ASPM: variants seen among roughly 807,000 people sequenced by gnomAD.
ASPM encodes the protein assembly factor for spindle microtubules.
ASPM carries 256 observed loss-of-function variants against 366.4 expected under a neutral mutation model. That is an observed-to-expected ratio of 0.70 (90% confidence interval 0.63 to 0.77). The LOEUF is 0.77. Among genes scored for constraint, ASPM ranks in the 30% least tolerant of loss-of-function variants. The pLI is 0.00. For missense variants in ASPM, 4,146 were observed against 4,090.4 expected (o/e 1.01, Z -0.37); for synonymous variants, 1,414 against 1,342.9 (o/e 1.05, Z -1.16).
Position 197,105,078 on chromosome 1 carries a change from T to C in ASPM, c.4173A>G (p.Lys1391=). The change falls in exon 18 of 28, where the codon AAA becomes AAG. Residue 1391 remains lysine, a synonymous_variant. Coordinates refer to ENST00000367409, the MANE Select transcript of ASPM (RefSeq NM_018136.5). Reference sequence around the variant, plus strand: ...TTGTAACTGTAGCCCAAAGATATCGTTTATAAGATGTAACAGCAATTATCA... The same window carrying C: ...TTGTAACTGTAGCCCAAAGATATCGCTTATAAGATGTAACAGCAATTATCA... The part of the protein sequence containing the change: ...IRMIIAVTSY[K]RYLWATVTIQ... The C allele has an allele frequency of 6.2e-7, 1 of 1,610,436 alleles. No homozygotes were observed. Among genetic ancestry groups the C allele is most frequent in the Non-Finnish European group, 8.5e-7 (1 of 1,177,618 alleles).
chr1:197,126,461 AAAAAAAGGG>A (rs1658094531), intron 10 of ASPM, among the ~76,000 whole-genome samples: 1 of 147,194 alleles, frequency 6.8e-6, no homozygotes, highest in East Asian at 2.0e-4. Flanking sequence ...AAAAAAAAAA[AAAAAAAGGG>A]AGGGGGACTT....
At chr1:197,089,801 C>A in intron 25 of ASPM, 129 bp downstream of exon 25, 1 of 869,886 alleles carries the variant, frequency 1.1e-6, no homozygotes, top group Non-Finnish European at 1.8e-6. Flanking sequence ...ATTTTTTCAT[C>A]CTAAGACTCT....
At chr1:197,122,725 G>T in intron 13 of ASPM, 130 bp from the exon 14 acceptor site, 1 of 873,048 alleles carries the variant, frequency 1.1e-6, no homozygotes, top group Non-Finnish European at 1.9e-6. Context: ...GTAATGGCAA[G>T]TTTGACTGGT....
chr1:197,113,742 T>A (rs1183318179), intron 17 of ASPM, among the ~76,000 whole-genome samples: 1 of 152,114 alleles, frequency 6.6e-6, no homozygotes, highest in African/African-American at 2.4e-5. Context: ...AGAGGCCTAA[T>A]AACAATCATA....
chr1:197,101,571 T>C lies in ASPM; in HGVS notation c.7680A>G (p.Ile2560Met). Residue 2560 changes from isoleucine (I) to methionine (M), a missense_variant, in exon 18 of 28, where the codon ATA becomes ATG. Physicochemically the swap from Ile to Met is conservative, Grantham distance 10. Coordinates refer to ENST00000367409, the MANE Select transcript of ASPM (RefSeq NM_018136.5). ...LREKHKASIVIQSTYRMYRQY... is the reference protein window; with the variant it reads ...LREKHKASIVMQSTYRMYRQY... ...GCCTATACATTCTGTAGGTGCTTTG[T>C]ATTACGATAGAAGCTTTGTGTTTTT... The C allele has an allele frequency of 6.2e-7, 1 of 1,609,652 alleles. No homozygotes were observed. Among genetic ancestry groups the C allele is most frequent in the Non-Finnish European group, 8.5e-7 (1 of 1,178,938 alleles).
chr1:197,096,840 T>C lies in ASPM; in HGVS notation c.8821-676A>G, dbSNP rs181629702. ...TCACACAGGTTAATAAGTGGCAGAG[T>C]TGTCTTACTTAATATTTATAAATAT... On this transcript the variant is annotated intron_variant, in intron 18 of 27. Transcript: ENST00000367409. Among the ~76,000 whole-genome samples, 201 of 151,756 alleles carry C rather than the reference T, an allele frequency of 1.3e-3. 1 individual carries two copies. In the Middle Eastern group the frequency reaches 0.014, roughly 10 times the overall value.
Position 197,088,241 on chromosome 1 carries a change from C to T in ASPM, c.10161+15G>A. On this transcript the variant is annotated intron_variant, in intron 26 of 27. Coordinates refer to ENST00000367409, the MANE Select transcript of ASPM (RefSeq NM_018136.5). ...GAAAAATAATCTTAAAGAAAGGCAA[C>T]TGACTAATACTTACAGAGGCTCTAT... 2 of 1,609,964 alleles carry T rather than the reference C, an allele frequency of 1.2e-6. No individual in the cohort carries two copies. Among genetic ancestry groups the T allele is most frequent in the Non-Finnish European group, 8.5e-7 (1 of 1,177,272 alleles).
At position 197,100,506 on chromosome 1, in the gene ASPM, AATG is replaced by A. The variant is rs755855719; in HGVS notation, c.8742_8744del (p.Ile2916del). The A allele has an allele frequency of 3.7e-6, 6 of 1,609,514 alleles. No individual in the cohort carries two copies. The highest frequency in any genetic ancestry group is 1.1e-5 in the South Asian group (1 of 90,668). ...TAAATCCTTTACTTCTAGCTTGAAT[AATG>A]ATAACACTGCTTCTGATCTGTAAAT... On this transcript the variant is annotated inframe_deletion, in exon 18 of 28. Coordinates refer to ENST00000367409, the MANE Select transcript of ASPM (RefSeq NM_018136.5).
Position 197,128,632 on chromosome 1 carries a change from C to G in ASPM, c.2794G>C (p.Asp932His), listed in dbSNP as rs759232994. The G allele has an allele frequency of 6.2e-7, 1 of 1,613,556 alleles. No homozygotes were observed. The change falls in exon 10 of 28, where the codon GAT (aspartate) becomes CAT (histidine). Residue 932 changes from aspartate to histidine, a missense_variant. Around this residue, in one of 3 missense-constraint regions of ASPM, gnomAD observed 3,624 missense variants for 3,591.7 expected, o/e 1.01. Coordinates refer to ENST00000367409, the MANE Select transcript of ASPM (RefSeq NM_018136.5). ...SKEILLAFSR[D>H]FLSGEGDLSR... ...AGGTCACCTTCACCACTTAGGAAAT[C>G]TCGTGAAAAAGCCAAAAGGATTTCT...
At position 197,090,257 on chromosome 1, in the gene ASPM, T is replaced by G. The variant is rs779130554; in HGVS notation, c.9768A>C (p.Ala3256=). ...GCTTATATGTCAAAAGGTAATGAAGTGCAAGTGCAGTTCTTTTGTAGAGTT... is the reference window on the plus strand; with the variant it reads ...GCTTATATGTCAAAAGGTAATGAAGGGCAAGTGCAGTTCTTTTGTAGAGTT... ...ENKLYKRTAL[A]LHYLLTYKHL... is the part of the protein sequence containing the mutation. Residue 3256 remains alanine (A), a synonymous_variant, in exon 24 of 28, where the codon GCA becomes GCC. Coordinates refer to ENST00000367409, the MANE Select transcript of ASPM (RefSeq NM_018136.5). The G allele has an allele frequency of 1.2e-6, 2 of 1,613,436 alleles. No individual in the cohort carries two copies. Among genetic ancestry groups the G allele is most frequent in the South Asian group, 2.2e-5 (2 of 91,076 alleles).
rs767340237 is a variant in ASPM, at chr1:197,102,223, G to C, written c.7028C>G (p.Ser2343Cys). Reference protein sequence around the residue: ...EMHRAATFIQSTFRMHRLHMR... With the variant: ...EMHRAATFIQCTFRMHRLHMR... ...ATGTAATCTGTGCATTCTGAAAGTA[G>C]ACTGGATGAAAGTAGCAGCCCTGTG... is the stretch of plus-strand genomic sequence containing the variant. The change falls in exon 18 of 28, where the codon TCT becomes TGT. Residue 2343 changes from serine (S) to cysteine (C), a missense_variant. By Grantham distance (112) the Ser-to-Cys change is moderately radical. Coordinates refer to ENST00000367409, the MANE Select transcript of ASPM (RefSeq NM_018136.5). 2.5e-6 allele frequency: 4 copies of C among 1,612,718 alleles called. No individual in the cohort carries two copies. In the Admixed American group the frequency reaches 6.7e-5, roughly 27 times the overall value.
At chr1:197,124,462 C>A in intron 12 of ASPM, 131 bp from the exon 13 acceptor site, 1 of 756,462 alleles carries the variant, frequency 1.3e-6, no homozygotes. Context: ...TTAAAAAAAT[C>A]AAAGAAAATA....
chr1:197,100,745 G>A lies in ASPM; in HGVS notation c.8506C>T (p.Gln2836Ter). ...TGAATCCGTAGGGCAGCACATTTCT[G>A]TGTTTCCAGTTTTCTTGTGACCATT... ...CRMVTRKLET[Q>*]KCAALRIQFF... Residue 2836 changes from glutamine (Q) to a stop codon, truncating the protein, a stop_gained, in exon 18 of 28, where the codon CAG (glutamine) becomes TAG (stop). Coordinates refer to ENST00000367409, the MANE Select transcript of ASPM (RefSeq NM_018136.5). LOFTEE classifies it high-confidence loss of function. 1.2e-6 allele frequency: 2 copies of A among 1,612,058 alleles called. No individual in the cohort carries two copies. The highest frequency in any genetic ancestry group is 1.1e-5 in the South Asian group (1 of 91,064).
intron 18 of ASPM, among the ~76,000 whole-genome samples, chr1:197,098,015 TAC>T (rs759520305): frequency 2.9e-5 from 4 of 135,698 alleles, no homozygotes; most frequent in African/African-American, 5.2e-5. Flanking sequence ...TATATATATA[TAC>T]ACACACACAC....
Position 197,103,067 on chromosome 1 carries a change from T to C in ASPM, c.6184A>G (p.Lys2062Glu). The change falls in exon 18 of 28, where the codon AAA becomes GAA. Residue 2062 changes from lysine to glutamate, a missense_variant. By Grantham distance (56) the Lys-to-Glu change is moderately conservative (BLOSUM62 1). Coordinates refer to ENST00000367409, the MANE Select transcript of ASPM (RefSeq NM_018136.5). ...SKYRAYKTKK[K>E]YATYRASAII... ...GCTGAAGCTCTATAGGTTGCATATT[T>C]CTTTTTGGTTTTGTAAGCTCTGTAT... is the stretch of plus-strand genomic sequence containing the variant. The C allele has an allele frequency of 6.2e-7, 1 of 1,612,682 alleles. No individual in the cohort carries two copies. The highest frequency in any genetic ancestry group is 8.5e-7 in the Non-Finnish European group (1 of 1,179,316).
intron 20 of ASPM, 49 bp from the exon 21 acceptor site, chr1:197,093,310 T>C (rs755245660): frequency 8.2e-6 from 12 of 1,458,254 alleles, no homozygotes; most frequent in African/African-American, 5.6e-5. Flanking sequence ...AAGAAAAAGA[T>C]TTCCAACCCA....
At chr1:197,091,187 C>T (rs1571589278) in intron 22 of ASPM, 146 bp from the exon 23 acceptor site, 1 of 764,798 alleles carries the variant, frequency 1.3e-6, no homozygotes, top group East Asian at 2.7e-5. Context: ...TACTTCCCCA[C>T]TCCACTTGGT....
Position 197,146,281 on chromosome 1 carries a change from C to G in ASPM, c.157G>C (p.Gly53Arg), listed in dbSNP as rs1281125050. The G allele has an allele frequency of 1.2e-6, 2 of 1,613,922 alleles. No homozygotes were observed. Among genetic ancestry groups the G allele is most frequent in the Non-Finnish European group, 1.7e-6 (2 of 1,180,022 alleles). ...HFCRSPFLCF[G>R]DVLLGASRTL... ...CGTGAGGCTCCCAGGAGAACGTCCC[C>G]GAAGCAAAGGAAAGGAGACCTGCAG... The change falls in exon 1 of 28, where the codon GGG becomes CGG. Residue 53 changes from glycine to arginine, a missense_variant. This residue lies in a region of ASPM where 512 missense variants were observed against 471.7 expected (regional missense o/e 1.09). Coordinates refer to ENST00000367409, the MANE Select transcript of ASPM (RefSeq NM_018136.5).
At position 197,103,131 on chromosome 1, in the gene ASPM, T is replaced by C; in HGVS notation, c.6120A>G (p.Ile2040Met). Residue 2040 changes from isoleucine (I) to methionine (M), a missense_variant, in exon 18 of 28, where the codon ATA (isoleucine) becomes ATG (methionine). This residue lies in a region of ASPM where 3,624 missense variants were observed against 3,591.7 expected (regional missense o/e 1.01). Transcript: ENST00000367409. ...TGACTGCTGCTTTGTTGCAATCCTT[T>C]ATTCTTTTTCTCACTTTCATACCAC... is the stretch of plus-strand genomic sequence containing the variant. ...AYRGMKVRKRIKDCNKAAVTI... is the reference protein window; with the variant it reads ...AYRGMKVRKRMKDCNKAAVTI... 1.2e-6 allele frequency: 2 copies of C among 1,612,846 alleles called. No individual in the cohort carries two copies. Among genetic ancestry groups the C allele is most frequent in the Non-Finnish European group, 1.7e-6 (2 of 1,179,344 alleles).
Sources: allele counts gnomAD v4.1 joint callset (sites outside exome capture counted in the v4.1 genomes callset), GRCh38; gene constraint gnomAD v4.1.1; regional missense constraint gnomAD v4.1.1; transcripts MANE v1.5; gene names NCBI Gene and HGNC (gene_info 2026-07-23, HGNC 2026-07-21).